The following MAEA variants were observed in gnomAD, a reference collection of about 807,000 sequenced individuals.
The protein encoded by MAEA is E3 ubiquitin-protein transferase MAEA.
Under a neutral mutation model 46.2 loss-of-function variants are expected in MAEA, and 22 were observed. The ratio of observed to expected loss-of-function variants is 0.48; its 90% CI spans 0.34 to 0.68. The LOEUF (loss-of-function observed/expected upper bound fraction) is 0.68, where lower values mean the gene tolerates loss of function less well. MAEA is among the 30% of genes least tolerant of loss of function. The pLI is 0.01. For missense variants in MAEA, 393 were observed against 558.1 expected (o/e 0.70, Z 2.98); for synonymous variants, 246 against 222.6 (o/e 1.11, Z -0.94).
At chr4:1,312,296 C>A in intron 2 of MAEA, 135 bp downstream of exon 2, 1 of 966,614 alleles carries the variant, frequency 1.0e-6, no homozygotes, top group Non-Finnish European at 1.5e-6. Context: ...TCCCTGCTGT[C>A]TGCCTTCTGG....
intron 5 of MAEA, chr4:1,329,857 G>T (rs1037063662): frequency 2.0e-6 from 2 of 985,448 alleles, no homozygotes; most frequent in African/African-American, 3.5e-5. Flanking sequence ...TCCAGGCAGG[G>T]CCCTCTCACC....
intron 3 of MAEA, among the ~76,000 whole-genome samples, chr4:1,321,161 A>C (rs1019001785): frequency 6.6e-6 from 1 of 151,866 alleles, no homozygotes; most frequent in African/African-American, 2.4e-5. Context: ...GAAAAGAATA[A>C]TCAACATGCA....
chr4:1,290,572 A>G (rs779017541), intron 1 of MAEA, among the ~76,000 whole-genome samples: 5 of 152,194 alleles, frequency 3.3e-5, no homozygotes, highest in African/African-American at 1.2e-4. Context: ...TTGTGCTCCT[A>G]GTAGAAGGAG....
intron 4 of MAEA, among the ~76,000 whole-genome samples, chr4:1,326,471 A>G (rs186929739): frequency 5.7e-4 from 87 of 152,270 alleles, no homozygotes; most frequent in African/African-American, 2.0e-3. Context: ...ACTGCGGTCA[A>G]TGTTGCCGCT....
rs566748073 is a variant in MAEA, at chr4:1,318,396, G to A, written c.456+2796G>A. ...CAGGCCACGCGTTCCACAGAAGTGC[G>A]TAGAGCAGGGTGGATATGGGAGTGC... On this transcript the variant is annotated intron_variant, in intron 3 of 8. Coordinates refer to ENST00000303400, the MANE Select transcript of MAEA (RefSeq NM_001017405.3). Among the ~76,000 whole-genome samples, 162 of 152,336 alleles carry A rather than the reference G, an allele frequency of 1.1e-3. 1 individual carries two copies. The highest frequency in any genetic ancestry group is 2.4e-3 in the African/African-American group (101 of 41,568).
chr4:1,325,110 C>T (rs922088361), intron 4 of MAEA, among the ~76,000 whole-genome samples: 21 of 152,132 alleles, frequency 1.4e-4, no homozygotes, highest in Non-Finnish European at 2.4e-4. Context: ...CACATGTGCA[C>T]GCACGCCAGG....
intron 1 of MAEA, among the ~76,000 whole-genome samples, chr4:1,304,806 A>G (rs1735676994): frequency 6.6e-6 from 1 of 152,216 alleles, no homozygotes; most frequent in Non-Finnish European, 1.5e-5. Context: ...AAAATATATT[A>G]AAACACATTT....
At chr4:1,333,305 C>T (rs1712090743) in intron 6 of MAEA, among the ~76,000 whole-genome samples, 1 of 151,640 alleles carries the variant, frequency 6.6e-6, no homozygotes, top group Non-Finnish European at 1.5e-5. Flanking sequence ...TGTGCCACTG[C>T]ACTCCAGCTG....
intron 1 of MAEA, among the ~76,000 whole-genome samples, chr4:1,296,359 A>C (rs1372357726): frequency 1.2e-4 from 4 of 32,038 alleles, no homozygotes; most frequent in Non-Finnish European, 1.0e-4. Context: ...CCCCACCCGC[A>C]CCTGTGCCCC....
At chr4:1,323,533 A>G in intron 4 of MAEA, 1 of 702,508 alleles carries the variant, frequency 1.4e-6, no homozygotes. Context: ...CGGGACGAAA[A>G]AGTAGAGCGG....
chr4:1,320,101 C>G (rs551708476), intron 3 of MAEA, among the ~76,000 whole-genome samples: 12 of 146,690 alleles, frequency 8.2e-5, no homozygotes, highest in Non-Finnish European at 1.3e-4. Flanking sequence ...ATCATCAAAG[C>G]AAACATGCAA....
intron 6 of MAEA, among the ~76,000 whole-genome samples, chr4:1,333,071 C>T (rs961998023): frequency 6.6e-6 from 1 of 152,134 alleles, no homozygotes; most frequent in Admixed American, 6.5e-5. Flanking sequence ...TGTGGTGGCT[C>T]ACCCCTGGAA....
At chr4:1,337,351 T>TGCCCTGCCTGTGACTGACTCG in intron 7 of MAEA, 1 of 308,086 alleles carries the variant, frequency 3.2e-6, no homozygotes, top group South Asian at 2.8e-5. Context: ...TGACTGACTC[T>TGCCCTGCCTGTGACTGACTCG]GTCCCGCCTG....
chr4:1,304,471 C>T (rs1735640938), intron 1 of MAEA, among the ~76,000 whole-genome samples: 1 of 152,134 alleles, frequency 6.6e-6, no homozygotes, highest in African/African-American at 2.4e-5. Flanking sequence ...GACGGAGTCT[C>T]GCACTGTCGC....
rs770765223 is a variant in MAEA at position 1,289,904 on chromosome 4, C to T, written c.-10C>T. On this transcript the variant is annotated 5_prime_UTR_variant, in exon 1 of 9. Transcript: ENST00000303400. ...CGTCCCCCGCCCGCTAATGTTTTGG[C>T]CGCTTCAAGATGGCGGTGCAGGAGT... 5.0e-6 allele frequency: 8 copies of T among 1,592,808 alleles called. No homozygotes were observed. Among genetic ancestry groups the T allele is most frequent in the Admixed American group, 1.7e-5 (1 of 58,662 alleles).
At chr4:1,303,381 G>A (rs968231413) in intron 1 of MAEA, among the ~76,000 whole-genome samples, 3 of 129,486 alleles carry the variant, frequency 2.3e-5, no homozygotes, top group African/African-American at 6.3e-5. Flanking sequence ...CAGCCTGGGC[G>A]ACAGTGAGAC....
intron 4 of MAEA, chr4:1,323,645 C>G (rs1272733004): frequency 1.0e-5 from 7 of 701,798 alleles, no homozygotes; most frequent in Admixed American, 2.0e-5. Flanking sequence ...AGTGCCAGCC[C>G]CACACTCCCT....
At chr4:1,304,332 C>G (rs949678871) in intron 1 of MAEA, among the ~76,000 whole-genome samples, 2 of 152,168 alleles carry the variant, frequency 1.3e-5, no homozygotes, top group South Asian at 4.1e-4. Flanking sequence ...GGGGGTGTCT[C>G]TATGTTGCCC....
At chr4:1,313,135 T>C (rs965262954) in intron 2 of MAEA, among the ~76,000 whole-genome samples, 7 of 152,202 alleles carry the variant, frequency 4.6e-5, no homozygotes, top group African/African-American at 1.7e-4. Context: ...TTCAGAGGAC[T>C]GGGATGATTG....
Sources: gnomAD v4.1 joint callset for allele counts (sites outside exome capture counted in the v4.1 genomes callset) on GRCh38, gnomAD v4.1.1 for gene constraint, MANE v1.5 for transcripts, NCBI Gene and HGNC (gene_info 2026-07-23, HGNC 2026-07-21) for gene names.